COMMD1: variants seen among roughly 807,000 people sequenced by gnomAD.
The protein encoded by COMMD1 is COMM domain-containing protein 1.
In COMMD1, 10 loss-of-function variants were observed where a neutral mutation model predicts 17.2. The ratio of observed to expected loss-of-function variants is 0.58; its 90% confidence interval spans 0.36 to 0.99. COMMD1 has a LOEUF of 0.99. Ranked by LOEUF, COMMD1 falls within the 50% of genes least tolerant of loss-of-function variation. The pLI is 0.01. For missense variants in COMMD1, 270 were observed against 231.8 expected (o/e 1.17, Z -1.07); for synonymous variants, 97 against 91.6 (o/e 1.06, Z -0.34).
At chr2:62,129,597 G>A (rs1672970685) in intron 2 of COMMD1, among the ~76,000 whole-genome samples, 1 of 152,150 alleles carries the variant, frequency 6.6e-6, no homozygotes, top group South Asian at 2.1e-4. Flanking sequence ...TACTTATGAA[G>A]ATGTTTTGAA....
At chr2:61,985,008 T>G (rs1346966509) in intron 1 of COMMD1, among the ~76,000 whole-genome samples, 3 of 151,850 alleles carry the variant, frequency 2.0e-5, no homozygotes, top group Admixed American at 2.0e-4. Context: ...TGGAATATCT[T>G]TTCCTATTCC....
At chr2:61,965,339 T>C (rs1671478091) in intron 1 of COMMD1, among the ~76,000 whole-genome samples, 1 of 152,226 alleles carries the variant, frequency 6.6e-6, no homozygotes, top group South Asian at 2.1e-4. Flanking sequence ...CAATTTCTGA[T>C]AAAATATGTT....
At chr2:62,085,358 C>T (rs1390797467) in intron 2 of COMMD1, among the ~76,000 whole-genome samples, 3 of 151,802 alleles carry the variant, frequency 2.0e-5, no homozygotes, top group East Asian at 1.9e-4. Context: ...GCTGGAACTA[C>T]AGGCGCCCAC....
At chr2:61,907,709 A>G in intron 1 of COMMD1, among the ~76,000 whole-genome samples, 1 of 151,228 alleles carries the variant, frequency 6.6e-6, no homozygotes, top group East Asian at 1.9e-4. Flanking sequence ...TTTTATTTTG[A>G]GATGGAATTT....
chr2:62,042,680 C>G (rs1328419645), intron 2 of COMMD1, among the ~76,000 whole-genome samples: 1 of 152,188 alleles, frequency 6.6e-6, no homozygotes, highest in Admixed American at 6.5e-5. Flanking sequence ...AAGGGCTCCT[C>G]GAGCGCAGCC....
At chr2:61,980,752 A>G (rs1369919547) in intron 1 of COMMD1, among the ~76,000 whole-genome samples, 1 of 151,070 alleles carries the variant, frequency 6.6e-6, no homozygotes, top group African/African-American at 2.4e-5. Context: ...TCTTTAGTTT[A>G]ATTAGATCCC....
At chr2:62,069,016 A>G (rs1358514354) in intron 2 of COMMD1, among the ~76,000 whole-genome samples, 1 of 152,162 alleles carries the variant, frequency 6.6e-6, no homozygotes, top group African/African-American at 2.4e-5. Context: ...CTGTCAATCA[A>G]TAAATCCAAC....
chr2:62,032,798 TCTCA>T (rs1294015724), intron 2 of COMMD1, among the ~76,000 whole-genome samples: 1 of 152,294 alleles, frequency 6.6e-6, no homozygotes, highest in Non-Finnish European at 1.5e-5. Flanking sequence ...TGAGACACAG[TCTCA>T]CTCTGTTGTC....
chr2:62,132,840 C>CA (rs58741435), intron 2 of COMMD1, among the ~76,000 whole-genome samples: 51 of 146,844 alleles, frequency 3.5e-4, no homozygotes, highest in East Asian at 2.0e-3. Context: ...ACTCTTGTCT[C>CA]AAAAAAAAAA....
intron 1 of COMMD1, among the ~76,000 whole-genome samples, chr2:61,943,489 T>G (rs947111665): frequency 3.3e-5 from 5 of 152,300 alleles, no homozygotes; most frequent in African/African-American, 1.2e-4. Context: ...TCTGCCCTTT[T>G]ATGTGTCTCA....
At chr2:62,063,756 T>C (rs79636114) in intron 2 of COMMD1, among the ~76,000 whole-genome samples, 4,803 of 151,394 alleles carry the variant, frequency 0.032, 201 homozygotes, top group African/African-American at 0.089. Flanking sequence ...GACTTCAATA[T>C]AGTGATTATA....
intron 1 of COMMD1, among the ~76,000 whole-genome samples, chr2:61,889,175 T>C (rs1026842426): frequency 6.9e-6 from 1 of 145,916 alleles, no homozygotes; most frequent in African/African-American, 2.5e-5. Flanking sequence ...AGTGTTGGGA[T>C]TACAGGCGTC....
chr2:61,934,851 C>G (rs1670562062), intron 1 of COMMD1, among the ~76,000 whole-genome samples: 1 of 152,170 alleles, frequency 6.6e-6, no homozygotes. Flanking sequence ...CCCCTAGGCT[C>G]AAGCAGTCCT....
chr2:61,981,979 TG>T (rs1671966762), intron 1 of COMMD1, among the ~76,000 whole-genome samples: 1 of 152,224 alleles, frequency 6.6e-6, no homozygotes, highest in African/African-American at 2.4e-5. Context: ...GGGTCTTTTA[TG>T]GTTCATTATA....
chr2:61,890,524 G>A (rs1201409788), intron 1 of COMMD1, among the ~76,000 whole-genome samples: 4 of 152,008 alleles, frequency 2.6e-5, no homozygotes, highest in Admixed American at 2.6e-4. Flanking sequence ...TCGCCAAGTT[G>A]TTCTTTAACA....
chr2:62,122,516 A>G (rs928645301), intron 2 of COMMD1, among the ~76,000 whole-genome samples: 17 of 149,656 alleles, frequency 1.1e-4, no homozygotes, highest in African/African-American at 3.5e-4. Context: ...CCACTGGCCT[A>G]TAACAGGGAA....
intron 1 of COMMD1, among the ~76,000 whole-genome samples, chr2:61,912,744 A>G (rs1055732900): frequency 6.6e-6 from 1 of 152,106 alleles, no homozygotes; most frequent in Non-Finnish European, 1.5e-5. Flanking sequence ...AAAAAAAAAA[A>G]AAAAACAGTT....
Position 62,042,591 on chromosome 2 carries a change from C to T in COMMD1, c.462+41609C>T, listed in dbSNP as rs748009904. Reference sequence around the variant, plus strand: ...GAGCGCCGAGCGCAGCCCCGGCTCCCGCCCGTGCCTCTCCCTCCACACCTC... The same window carrying T: ...GAGCGCCGAGCGCAGCCCCGGCTCCTGCCCGTGCCTCTCCCTCCACACCTC... On this transcript the variant is annotated intron_variant, in intron 2 of 2. Coordinates refer to ENST00000311832, the MANE Select transcript of COMMD1 (RefSeq NM_152516.4). Among the ~76,000 whole-genome samples the T allele has an allele frequency of 4.0e-4, 61 of 152,256 alleles. 1 individual carries two copies. The highest frequency in any genetic ancestry group is 3.1e-3 in the Admixed American group (48 of 15,302).
In COMMD1 at chr2:62,094,560, G is replaced by C. The variant is rs183228589; in HGVS notation, c.463-41271G>C. Among the ~76,000 whole-genome samples the C allele has an allele frequency of 1.8e-4, 28 of 152,210 alleles. 1 individual carries two copies. The highest frequency in any genetic ancestry group is 1.7e-3 in the Admixed American group (26 of 15,284). ...TTACATTTAAACAAGGTGATAAACA[G>C]GTGTGTTGCAAAAGAAAAAAAATCC... On this transcript the variant is annotated intron_variant, in intron 2 of 2. Coordinates refer to ENST00000311832, the MANE Select transcript of COMMD1 (RefSeq NM_152516.4).
Sources: gnomAD v4.1 joint callset for allele counts (sites outside exome capture counted in the v4.1 genomes callset) on GRCh38, gnomAD v4.1.1 for gene constraint, MANE v1.5 for transcripts, NCBI Gene and HGNC (gene_info 2026-07-23, HGNC 2026-07-21) for gene names.